The following ZZEF1 variants were observed in gnomAD, a reference collection of about 807,000 sequenced individuals.
The protein encoded by ZZEF1 is zinc finger ZZ-type and EF-hand domain containing 1.
ZZEF1 carries 157 observed loss-of-function variants against 342.8 expected under a neutral mutation model. The ratio of observed to expected loss-of-function variants is 0.46; its 90% confidence interval spans 0.40 to 0.52. ZZEF1 has a LOEUF of 0.52. Ranked by LOEUF, ZZEF1 falls within the 20% of genes least tolerant of loss-of-function variation. The probability of loss-of-function intolerance (pLI) is 0.00; values close to 1 mark genes in which losing one functional copy is unlikely to be tolerated. For synonymous variants in ZZEF1, 1,505 were observed against 1,429.1 expected, an observed-to-expected ratio of 1.05 and a Z score of -1.20; for missense variants, 3,480 against 3,725.6, an observed-to-expected ratio of 0.93 and a Z score of 1.72.
chr17:4,079,036 G>C (rs750246679), intron 18 of ZZEF1, among the ~76,000 whole-genome samples: 7 of 152,178 alleles, frequency 4.6e-5, no homozygotes, highest in Non-Finnish European at 7.3e-5. Flanking sequence ...GTAAGTGAAA[G>C]AGAAGAAAAG....
chr17:4,130,028 G>C (rs530626610), intron 1 of ZZEF1, among the ~76,000 whole-genome samples: 74 of 152,298 alleles, frequency 4.9e-4, no homozygotes, highest in East Asian at 5.8e-4. Flanking sequence ...GAGGGTGAGA[G>C]GAGGGAGAGG....
intron 39 of ZZEF1, among the ~76,000 whole-genome samples, chr17:4,041,030 G>A (rs986284175): frequency 6.6e-6 from 1 of 152,166 alleles, no homozygotes; most frequent in African/African-American, 2.4e-5. Context: ...AGAGAACAAA[G>A]GCTCCGGCTG....
Position 4,017,702 on chromosome 17 carries a change from G to A in ZZEF1, c.7670C>T (p.Thr2557Ile), listed in dbSNP as rs751809706. ...CTGGGTCACAGGGTTCGATTCAGCA[G>A]TGGCTTGGTCACAGCGTGCAGGCCG... is the stretch of plus-strand genomic sequence containing the variant. The part of the protein sequence containing the change: ...LSRPARCDQA[T>I]AESNPVTQKL... Residue 2557 changes from threonine to isoleucine, a missense_variant, in exon 48 of 55, where the codon ACT becomes ATT. Physicochemically the swap from Thr to Ile is moderately conservative, Grantham distance 89 (BLOSUM62 -1). Around this residue, in one of 5 missense-constraint regions of ZZEF1, gnomAD observed 1,269 missense variants for 1,342.4 expected, o/e 0.95. Coordinates refer to ENST00000381638, the MANE Select transcript of ZZEF1 (RefSeq NM_015113.4). This position sits in a 1 kb window ranked among gnomAD's most constrained non-coding sequence, Gnocchi z 5.1. The A allele has an allele frequency of 6.2e-7, 1 of 1,613,440 alleles. No individual in the cohort carries two copies. The highest frequency in any genetic ancestry group is 8.5e-7 in the Non-Finnish European group (1 of 1,179,920).
At chr17:4,102,271 C>G in intron 9 of ZZEF1, 46 bp downstream of exon 9, 1 of 1,540,300 alleles carries the variant, frequency 6.5e-7, no homozygotes, top group Non-Finnish European at 9.0e-7. Context: ...ACACAGCTGA[C>G]TCCTGTCTAC....
intron 42 of ZZEF1, among the ~76,000 whole-genome samples, chr17:4,026,975 T>C (rs2056420997): frequency 6.6e-6 from 1 of 152,144 alleles, no homozygotes; most frequent in African/African-American, 2.4e-5. Context: ...CTATAAATAA[T>C]GTTCAGCGCA....
Position 4,076,647 on chromosome 17 carries a change from C to T in ZZEF1, c.3224G>A (p.Gly1075Glu), listed in dbSNP as rs751349405. 8.7e-6 allele frequency: 14 copies of T among 1,609,892 alleles called. No individual in the cohort carries two copies. Among genetic ancestry groups the T allele is most frequent in the South Asian group, 4.4e-5 (4 of 90,966 alleles). ...GCTGACTCGAGTTACCTTCCTCAGT[C>T]CTCCTTCGGGGCCACTACAGAGCTT... ...LKKLCSGPEG[G>E]LRKLDVETWQ... Residue 1075 changes from glycine to glutamate, a missense_variant, in exon 21 of 55, where the codon GGA becomes GAA. Physicochemically the swap from Gly to Glu is moderately conservative, Grantham distance 98. Coordinates refer to ENST00000381638, the MANE Select transcript of ZZEF1 (RefSeq NM_015113.4).
Position 4,124,167 on chromosome 17 carries a change from G to C in ZZEF1, c.355-116C>G. The C allele has an allele frequency of 2.3e-6, 3 of 1,305,938 alleles. No individual in the cohort carries two copies. The South Asian group carries it at 4.7e-5, about 21-fold the overall frequency. 80.9% of individuals were successfully genotyped at this position (1,305,938 alleles called of 1,614,324 possible). A position where few individuals can be genotyped will look rare whatever the true frequency, so the allele number is the denominator to read the frequency against. ...TGATTTATTTATTTTTGGTTGCAGAGAGAAGAGTCCATATGTATCAACCAA... is the reference window on the plus strand; with the variant it reads ...TGATTTATTTATTTTTGGTTGCAGACAGAAGAGTCCATATGTATCAACCAA... On this transcript the variant is annotated intron_variant, in intron 1 of 54. Coordinates refer to ENST00000381638, the MANE Select transcript of ZZEF1 (RefSeq NM_015113.4).
At chr17:4,036,817 A>ACACT (rs754105162) in intron 39 of ZZEF1, among the ~76,000 whole-genome samples, 2,169 of 72,240 alleles carry the variant, frequency 0.03, 33 homozygotes, top group East Asian at 0.098. Flanking sequence ...ACACACACAC[A>ACACT]CTCTCTCTCT....
At chr17:4,032,409 T>G in intron 41 of ZZEF1, 151 bp from the exon 42 acceptor site, 2 of 885,908 alleles carry the variant, frequency 2.3e-6, no homozygotes, top group Non-Finnish European at 3.3e-6. Context: ...CCAAAGAGTC[T>G]GCCACAGGCT....
Position 4,142,940 on chromosome 17 carries a change from C to A in ZZEF1, c.-45G>T. ...CCTGGCTCTGCAGCCGCCGCCGCCGCCTCCCCGCCTCGACCTGTCAACCTC... is the reference window on the plus strand; with the variant it reads ...CCTGGCTCTGCAGCCGCCGCCGCCGACTCCCCGCCTCGACCTGTCAACCTC... On this transcript the variant is annotated 5_prime_UTR_variant, in exon 1 of 55. Transcript: ENST00000381638. 2.3e-6 allele frequency: 3 copies of A among 1,301,470 alleles called. No individual in the cohort carries two copies. The highest frequency in any genetic ancestry group is 2.3e-5 in the South Asian group (1 of 42,642). The allele number at this position is 1,301,470 out of a possible 1,614,324, so 80.6% of individuals were successfully genotyped here.
intron 33 of ZZEF1, among the ~76,000 whole-genome samples, chr17:4,055,457 T>C (rs991695435): frequency 2.6e-5 from 4 of 152,210 alleles, no homozygotes; most frequent in African/African-American, 9.6e-5. Flanking sequence ...CAGTGGGCTA[T>C]CTGAGCCTGA....
intron 31 of ZZEF1, among the ~76,000 whole-genome samples, chr17:4,058,743 G>A (rs539801917): frequency 6.6e-6 from 1 of 152,230 alleles, no homozygotes; most frequent in South Asian, 2.1e-4. Context: ...GGGCATGGTG[G>A]CATGCACCTG....
At position 4,019,655 on chromosome 17, in the gene ZZEF1, G is replaced by A. The variant is rs1274903324; in HGVS notation, c.7505+14C>T. The A allele has an allele frequency of 6.2e-7, 1 of 1,608,076 alleles. No homozygotes were observed. Among genetic ancestry groups the A allele is most frequent in the South Asian group, 1.1e-5 (1 of 90,396 alleles). ...TCCCTGGCCACACTTCAGCTGCACG[G>A]AAATGTCCCTTACCTCTTCTGAACC... On this transcript the variant is annotated intron_variant, in intron 46 of 54. Transcript: ENST00000381638.
chr17:4,076,939 A>C lies in ZZEF1; in HGVS notation c.3040T>G (p.Ser1014Ala). The C allele has an allele frequency of 6.2e-7, 1 of 1,614,122 alleles. No individual in the cohort carries two copies. The highest frequency in any genetic ancestry group is 8.5e-7 in the Non-Finnish European group (1 of 1,179,990). Residue 1014 changes from serine (S) to alanine (A), a missense_variant, in exon 20 of 55, where the codon TCA becomes GCA. Ser to Ala is a moderately conservative substitution (Grantham distance 99). This residue lies in a region of ZZEF1 where 1,528 missense variants were observed against 1,624.1 expected (regional missense o/e 0.94). Coordinates refer to ENST00000381638, the MANE Select transcript of ZZEF1 (RefSeq NM_015113.4). Reference sequence around the variant, plus strand: ...ACTATGGTTTTTCCACTGTACTGTGAGAAAAGGGATTCCAAAATCGCTCTC... The same window carrying C: ...ACTATGGTTTTTCCACTGTACTGTGCGAAAAGGGATTCCAAAATCGCTCTC... Reference protein sequence around the residue: ...SMRAILESLFSQYSGKTIVER... With the variant: ...SMRAILESLFAQYSGKTIVER...
chr17:4,134,989 A>T (rs1010878154), intron 1 of ZZEF1, among the ~76,000 whole-genome samples: 2 of 152,114 alleles, frequency 1.3e-5, no homozygotes, highest in Admixed American at 6.6e-5. Flanking sequence ...GTGTGGCTGG[A>T]AAGGAACAGG....
intron 52 of ZZEF1, 65 bp from the exon 53 acceptor site, chr17:4,009,822 G>T: frequency 6.4e-7 from 1 of 1,566,486 alleles, no homozygotes; most frequent in Non-Finnish European, 8.7e-7. Flanking sequence ...ATGGCTTACA[G>T]CTGGCAGGAA....
chr17:4,054,703 T>C (rs1023962361), intron 33 of ZZEF1, among the ~76,000 whole-genome samples: 1 of 152,098 alleles, frequency 6.6e-6, no homozygotes, highest in Non-Finnish European at 1.5e-5. Flanking sequence ...TGCATATCAG[T>C]CTTAGGAGTT....
intron 41 of ZZEF1, 33 bp from the exon 42 acceptor site, chr17:4,032,291 C>T: frequency 6.3e-7 from 1 of 1,598,598 alleles, no homozygotes; most frequent in South Asian, 1.1e-5. Context: ...AGAAAGGCAA[C>T]TCAAACATGG....
intron 3 of ZZEF1, among the ~76,000 whole-genome samples, chr17:4,116,241 C>A (rs912359293): frequency 7.9e-5 from 12 of 152,184 alleles, no homozygotes; most frequent in African/African-American, 2.7e-4. Flanking sequence ...ATCGCTCGAA[C>A]CCAGGAGGTG....
Sources: gnomAD v4.1 joint callset for allele counts (sites outside exome capture counted in the v4.1 genomes callset) on GRCh38, gnomAD v4.1.1 for gene constraint, gnomAD v4.1.1 regional missense constraint, Gnocchi (gnomAD v3.1) non-coding constraint, MANE v1.5 for transcripts, NCBI Gene and HGNC (gene_info 2026-07-23, HGNC 2026-07-21) for gene names.